Variants in CPNE8 observed in about 807,000 individuals in gnomAD.
CPNE8 encodes the protein copine 8.
CPNE8 carries 45 observed loss-of-function variants against 81.5 expected under a neutral mutation model. The observed-to-expected ratio is 0.55, with a 90% CI of 0.44 to 0.71. The LOEUF is 0.71. Ranked by LOEUF, CPNE8 falls within the 30% of genes least tolerant of loss-of-function variation. The pLI, the probability that CPNE8 is intolerant of heterozygous loss-of-function variation, is 0.00. For synonymous variants in CPNE8, 252 were observed against 226.3 expected, an observed-to-expected ratio of 1.11 and a Z score of -1.02; for missense variants, 594 against 672.1, an observed-to-expected ratio of 0.88 and a Z score of 1.28.
Position 38,868,323 on chromosome 12 carries a change from A to G in CPNE8, c.186+4681T>C, listed in dbSNP as rs77470407. Among the ~76,000 whole-genome samples the G allele has an allele frequency of 1.9e-3, 288 of 152,292 alleles. 5 individuals are homozygous for G. In the East Asian group the frequency reaches 0.045, roughly 24 times the overall value. ...TAATATTGGTCAAATTGATAAATAA[A>G]GGATACATTTAAAAACTATTAATAA... On this transcript the variant is annotated intron_variant, in intron 3 of 19. Transcript: ENST00000331366.
At chr12:38,872,159 G>T (rs926639468) in intron 3 of CPNE8, among the ~76,000 whole-genome samples, 1 of 151,964 alleles carries the variant, frequency 6.6e-6, no homozygotes, top group Admixed American at 6.6e-5. Flanking sequence ...ATGTGCAGAA[G>T]CAGTTAGATA....
intron 13 of CPNE8, among the ~76,000 whole-genome samples, chr12:38,705,821 C>G (rs1219918035): frequency 6.6e-6 from 1 of 151,818 alleles, no homozygotes; most frequent in East Asian, 1.9e-4. Flanking sequence ...TCTTGGAGGG[C>G]AGGTACCTGG....
chr12:38,897,851 A>G (rs915334663), intron 1 of CPNE8, among the ~76,000 whole-genome samples: 2 of 152,088 alleles, frequency 1.3e-5, no homozygotes, highest in African/African-American at 2.4e-5. Context: ...TCTCACTTAC[A>G]TGTATTAACT....
intron 15 of CPNE8, among the ~76,000 whole-genome samples, chr12:38,690,896 A>G (rs1393948922): frequency 6.6e-6 from 1 of 152,158 alleles, no homozygotes; most frequent in African/African-American, 2.4e-5. Flanking sequence ...TTTCTAAGAC[A>G]CAACAAAATC....
At chr12:38,746,090 A>G (rs2136809813) in intron 10 of CPNE8, among the ~76,000 whole-genome samples, 1 of 152,292 alleles carries the variant, frequency 6.6e-6, no homozygotes, top group Admixed American at 6.5e-5. Flanking sequence ...AGACAATTTC[A>G]ATATATTTTC....
chr12:38,710,265 T>TAAAAAA (rs1294536425), intron 13 of CPNE8, among the ~76,000 whole-genome samples: 2 of 1,438 alleles, frequency 1.4e-3, no homozygotes, highest in Non-Finnish European at 1.9e-3. Flanking sequence ...CAAAATAAGC[T>TAAAAAA]AACAAAAAAA....
intron 1 of CPNE8, among the ~76,000 whole-genome samples, chr12:38,903,328 A>ACTT (rs1565670902): frequency 6.6e-6 from 1 of 151,692 alleles, no homozygotes; most frequent in African/African-American, 2.4e-5. Flanking sequence ...CTCTTTCAGG[A>ACTT]TTTTTTTTTC....
At chr12:38,655,789 T>G (rs1459737903) in intron 19 of CPNE8, among the ~76,000 whole-genome samples, 2 of 152,072 alleles carry the variant, frequency 1.3e-5, no homozygotes, top group African/African-American at 2.4e-5. Flanking sequence ...AGAAGAAAAC[T>G]ATTCCTTTCT....
At chr12:38,844,005 T>C (rs565846966) in intron 4 of CPNE8, among the ~76,000 whole-genome samples, 107 of 152,324 alleles carry the variant, frequency 7.0e-4, no homozygotes, top group South Asian at 3.9e-3. Context: ...GACTTCGACA[T>C]TGTTAAGGGA....
At chr12:38,662,772 G>A (rs1938986920) in intron 19 of CPNE8, among the ~76,000 whole-genome samples, 1 of 152,014 alleles carries the variant, frequency 6.6e-6, no homozygotes, top group Non-Finnish European at 1.5e-5. Flanking sequence ...AAACAGAAAG[G>A]CACTGGCATA....
intron 10 of CPNE8, among the ~76,000 whole-genome samples, chr12:38,732,732 G>C (rs1208780027): frequency 6.6e-6 from 1 of 151,882 alleles, no homozygotes; most frequent in Admixed American, 6.6e-5. Context: ...TTGTTTCAAT[G>C]TCCCCAGCCA....
intron 19 of CPNE8, among the ~76,000 whole-genome samples, chr12:38,658,863 A>G (rs1938887141): frequency 6.6e-6 from 1 of 152,190 alleles, no homozygotes; most frequent in Admixed American, 6.5e-5. Context: ...AGATTTTGTC[A>G]CCACCAGGCC....
chr12:38,786,556 GATGGCCTATT>G (rs1353465283), intron 6 of CPNE8, among the ~76,000 whole-genome samples: 1 of 152,138 alleles, frequency 6.6e-6, no homozygotes, highest in Non-Finnish European at 1.5e-5. Flanking sequence ...TCAGCCTGCA[GATGGCCTATT>G]ATGGGACTTT....
At chr12:38,705,550 A>G (rs1442194098) in intron 13 of CPNE8, among the ~76,000 whole-genome samples, 1 of 152,212 alleles carries the variant, frequency 6.6e-6, no homozygotes, top group African/African-American at 2.4e-5. Flanking sequence ...AACACTAACC[A>G]GCATGAACCT....
intron 19 of CPNE8, among the ~76,000 whole-genome samples, chr12:38,662,958 C>T (rs559753231): frequency 6.6e-6 from 1 of 151,966 alleles, no homozygotes; most frequent in African/African-American, 2.4e-5. Context: ...TGAAACTACA[C>T]CCTTATCTAT....
intron 19 of CPNE8, among the ~76,000 whole-genome samples, chr12:38,659,034 A>G (rs1051952935): frequency 4.6e-4 from 70 of 152,206 alleles, no homozygotes; most frequent in African/African-American, 1.5e-3. Context: ...GACAGGATCA[A>G]ATTCACACAT....
chr12:38,675,736 A>G lies in CPNE8; in HGVS notation c.1413T>C (p.Val471=). 1 of 1,604,522 alleles carries G rather than the reference A, an allele frequency of 6.2e-7. No homozygotes were observed. The highest frequency in any genetic ancestry group is 8.5e-7 in the Non-Finnish European group (1 of 1,171,654). ...KLPMSIIIVG[V]GPAEFDAMVE... ...ACTCACCATCAAATTCTGCTGGTCC[A>G]ACACCTACTATAATTATTGACATTG... Residue 471 remains valine (V), a synonymous_variant, in exon 18 of 20, where the codon GTT becomes GTC. Transcript: ENST00000331366.
At chr12:38,817,655 G>A (rs535571099) in intron 6 of CPNE8, among the ~76,000 whole-genome samples, 59 of 109,524 alleles carry the variant, frequency 5.4e-4, no homozygotes, top group African/African-American at 1.7e-3. Context: ...ACAAAGTCTC[G>A]CTCTGTCTCC....
chr12:38,780,518 T>A (rs1169186968), intron 6 of CPNE8, among the ~76,000 whole-genome samples: 1 of 151,938 alleles, frequency 6.6e-6, no homozygotes, highest in Non-Finnish European at 1.5e-5. Flanking sequence ...AGCAGCATAA[T>A]AAAAATAGAT....
Sources: allele counts gnomAD v4.1 joint callset (sites outside exome capture counted in the v4.1 genomes callset), GRCh38; gene constraint gnomAD v4.1.1; transcripts MANE v1.5; gene names NCBI Gene and HGNC (gene_info 2026-07-23, HGNC 2026-07-21).